GLIS3: variants seen among roughly 807,000 people sequenced by gnomAD.
The protein encoded by GLIS3 is GLIS family zinc finger 3, also known as zinc finger protein GLIS3.
Under a neutral mutation model 78.6 loss-of-function variants are expected in GLIS3, and 53 were observed. The observed-to-expected ratio is 0.67, with a 90% CI of 0.54 to 0.85. GLIS3 has a LOEUF of 0.85. GLIS3 is among the 40% of genes least tolerant of loss of function. GLIS3 has a pLI of 0.00. For missense variants in GLIS3, 1,703 were observed against 1,231.1 expected, an observed-to-expected ratio of 1.38 and a Z score of -5.74; for synonymous variants, 684 against 509.9, an observed-to-expected ratio of 1.34 and a Z score of -4.60.
At chr9:4,161,299 A>T (rs1366172493) in intron 2 of GLIS3, among the ~76,000 whole-genome samples, 3 of 152,082 alleles carry the variant, frequency 2.0e-5, no homozygotes, top group Admixed American at 6.5e-5. Context: ...TAAGAATCTT[A>T]AAAATTTAAA....
chr9:3,873,076 G>A (rs1041215094), intron 8 of GLIS3, among the ~76,000 whole-genome samples: 3 of 152,116 alleles, frequency 2.0e-5, no homozygotes, highest in African/African-American at 7.2e-5. Context: ...AATGCATAAT[G>A]AGATGGAATC....
At chr9:4,348,404 A>G (rs1198555364), upstream of GLIS3, 1 of 152,224 alleles carries the variant, frequency 6.6e-6, no homozygotes, top group Non-Finnish European at 1.5e-5. Flanking sequence ...CATCCCATGC[A>G]GTGGGAAGCT....
the GLIS3 span, among the ~76,000 whole-genome samples, chr9:4,435,119 C>T: frequency 2.0e-5 from 3 of 152,184 alleles, no homozygotes; most frequent in Non-Finnish European, 4.4e-5. Flanking sequence ...ATTCTTTGAG[C>T]TGGTTGGCAG....
chr9:4,081,932 T>A (rs1313193813), intron 4 of GLIS3, among the ~76,000 whole-genome samples: 8 of 152,228 alleles, frequency 5.3e-5, no homozygotes, highest in Non-Finnish European at 1.5e-5. Context: ...CACTGTTCAT[T>A]ATGATCACTA....
At chr9:4,364,474 T>C in the GLIS3 span, among the ~76,000 whole-genome samples, 1 of 152,162 alleles carries the variant, frequency 6.6e-6, no homozygotes, top group Non-Finnish European at 1.5e-5. Flanking sequence ...AGGAATTGTA[T>C]GCTACCAATT....
intron 6 of GLIS3, among the ~76,000 whole-genome samples, chr9:3,907,602 C>CACACACACA (rs1554644529): frequency 1.2e-4 from 10 of 81,468 alleles, no homozygotes; most frequent in Admixed American, 1.2e-3. Context: ...CCTCCACCCC[C>CACACACACA]CAAACACACA....
chr9:4,051,657 T>C (rs1445080105), intron 4 of GLIS3, among the ~76,000 whole-genome samples: 1 of 152,202 alleles, frequency 6.6e-6, no homozygotes, highest in Non-Finnish European at 1.5e-5. Context: ...GTTTGTTTGT[T>C]TTTAAAAAAG....
intron 6 of GLIS3, among the ~76,000 whole-genome samples, chr9:3,906,930 G>A (rs909278535): frequency 2.6e-5 from 4 of 152,074 alleles, no homozygotes; most frequent in Non-Finnish European, 4.4e-5. Context: ...CTTCCTGCCC[G>A]GAACGGACTC....
chr9:4,357,096 G>A, the GLIS3 span, among the ~76,000 whole-genome samples: 1 of 152,166 alleles, frequency 6.6e-6, no homozygotes, highest in East Asian at 1.9e-4. Context: ...TTAGTTTCAA[G>A]TTGCATTTAA....
intron 6 of GLIS3, among the ~76,000 whole-genome samples, chr9:3,920,224 C>A (rs971044630): frequency 6.6e-6 from 1 of 152,070 alleles, no homozygotes; most frequent in Non-Finnish European, 1.5e-5. Flanking sequence ...AGGATGGTCT[C>A]AATCTCCTGA....
Position 4,274,213 on chromosome 9 carries a change from C to T in GLIS3, c.388+11825G>A, listed in dbSNP as rs569475698. Among the ~76,000 whole-genome samples the T allele has an allele frequency of 5.3e-5, 8 of 152,262 alleles. No homozygotes were observed. In the East Asian group the frequency reaches 1.2e-3, roughly 22 times the overall value. On this transcript the variant is annotated intron_variant, in intron 2 of 10. Coordinates refer to ENST00000381971, the MANE Select transcript of GLIS3 (RefSeq NM_001042413.2). ...GTTGTTTCCCTACAGCAATGCTTCT[C>T]GAATGTCAATGTACACTTGCAAGGT...
At chr9:4,478,984 T>A in the GLIS3 span, among the ~76,000 whole-genome samples, 55 of 152,330 alleles carry the variant, frequency 3.6e-4, no homozygotes, top group African/African-American at 1.1e-3. Flanking sequence ...TAATTTCCAC[T>A]ATGAAGAAGG....
At chr9:4,059,687 T>C (rs138208115) in intron 4 of GLIS3, among the ~76,000 whole-genome samples, 1 of 152,152 alleles carries the variant, frequency 6.6e-6, no homozygotes, top group African/African-American at 2.4e-5. Flanking sequence ...TAAGTTGGGC[T>C]ACTTTCTTCT....
chr9:4,413,721 A>T, the GLIS3 span, among the ~76,000 whole-genome samples: 1 of 152,062 alleles, frequency 6.6e-6, no homozygotes, highest in East Asian at 1.9e-4. Context: ...GACTCATTTG[A>T]GACCCATGTT....
At chr9:3,964,993 A>G (rs1166412000) in intron 4 of GLIS3, among the ~76,000 whole-genome samples, 1 of 152,054 alleles carries the variant, frequency 6.6e-6, no homozygotes, top group East Asian at 1.9e-4. Context: ...TTAACTACCA[A>G]TTGTGTGATC....
intron 4 of GLIS3, among the ~76,000 whole-genome samples, chr9:4,111,056 C>T (rs1831172612): frequency 6.6e-6 from 1 of 152,126 alleles, no homozygotes; most frequent in African/African-American, 2.4e-5. Context: ...CACACTGGTG[C>T]AGTCTGAAAG....
At chr9:3,937,978 A>G (rs557473235) in intron 4 of GLIS3, among the ~76,000 whole-genome samples, 3 of 152,346 alleles carry the variant, frequency 2.0e-5, no homozygotes, top group Middle Eastern at 3.4e-3. Context: ...TGTCAATAAT[A>G]TTTATTGACA....
intron 9 of GLIS3, chr9:3,855,404 G>C (rs1259659761): frequency 6.4e-6 from 1 of 155,940 alleles, no homozygotes; most frequent in Non-Finnish European, 1.4e-5. Context: ...TTTCTGATGG[G>C]TCAGAAAATG....
rs143145035 is a variant in GLIS3, at chr9:4,283,556, G to A, written c.388+2482C>T. Among the ~76,000 whole-genome samples the A allele has an allele frequency of 2.0e-5, 3 of 152,234 alleles. No individual in the cohort carries two copies. The East Asian group carries it at 5.8e-4, about 29-fold the overall frequency. On this transcript the variant is annotated intron_variant, in intron 2 of 10. Coordinates refer to ENST00000381971, the MANE Select transcript of GLIS3 (RefSeq NM_001042413.2). Reference sequence around the variant, plus strand: ...GCTGGGATTACAAGCGTGAGCCATCGCACCCCACCTACTGTGCTGTAGTTT... The same window carrying A: ...GCTGGGATTACAAGCGTGAGCCATCACACCCCACCTACTGTGCTGTAGTTT...
Sources: gnomAD v4.1 joint callset for allele counts (sites outside exome capture counted in the v4.1 genomes callset) on GRCh38, gnomAD v4.1.1 for gene constraint, MANE v1.5 for transcripts, NCBI Gene and HGNC (gene_info 2026-07-23, HGNC 2026-07-21) for gene names.